SF3B3: variants seen among roughly 807,000 people sequenced by gnomAD.
SF3B3 encodes splicing factor 3b subunit 3.
In SF3B3, 33 loss-of-function variants were observed where a neutral mutation model predicts 139.2. The ratio of observed to expected loss-of-function variants is 0.24; its 90% CI spans 0.18 to 0.32. SF3B3 has a LOEUF of 0.32. Ranked by LOEUF, SF3B3 falls within the 10% of genes least tolerant of loss-of-function variation. SF3B3 has a pLI of 1.00. For missense variants in SF3B3, 818 were observed against 1,509.4 expected, an observed-to-expected ratio of 0.54 and a Z score of 7.59; for synonymous variants, 596 against 563.6, an observed-to-expected ratio of 1.06 and a Z score of -0.81.
chr16:70,535,881 T>C (rs2050161088), intron 6 of SF3B3, among the ~76,000 whole-genome samples: 1 of 152,218 alleles, frequency 6.6e-6, no homozygotes, highest in Non-Finnish European at 1.5e-5. Flanking sequence ...TTGTTTTTTC[T>C]TTCTCATGAT....
intron 6 of SF3B3, 39 bp downstream of exon 6, chr16:70,535,459 A>T: frequency 8.0e-7 from 1 of 1,248,670 alleles, no homozygotes. Flanking sequence ...ATTTGTGTTT[A>T]ATTTTTGTGA....
chr16:70,562,882 G>A (rs1054652614), intron 17 of SF3B3, among the ~76,000 whole-genome samples: 3 of 152,010 alleles, frequency 2.0e-5, no homozygotes, highest in African/African-American at 7.3e-5. Context: ...AGGTTGGAGT[G>A]CAGTGGTGTG....
At position 70,549,856 on chromosome 16, in the gene SF3B3, C is replaced by T. The variant is rs964897493; in HGVS notation, c.1402+1414C>T. 2.0e-5 allele frequency among the ~76,000 whole-genome samples: 3 copies of T among 152,094 alleles called. 1 individual carries two copies. In the Middle Eastern group the frequency reaches 0.01, roughly 517 times the overall value. ...AGGAGAATCACTTGAACCTGGGAGG[C>T]GGAGGTTGCAGTGAGCCGAGATTGC... On this transcript the variant is annotated intron_variant, in intron 11 of 25. Transcript: ENST00000302516.
At chr16:70,551,820 C>T (rs1004663380) in intron 11 of SF3B3, among the ~76,000 whole-genome samples, 10 of 152,276 alleles carry the variant, frequency 6.6e-5, no homozygotes, top group Middle Eastern at 6.8e-3. Context: ...CTTGAACCAC[C>T]GTGCCCAGCT....
chr16:70,527,952 T>G (rs543173361), intron 2 of SF3B3, among the ~76,000 whole-genome samples: 60 of 151,926 alleles, frequency 3.9e-4, no homozygotes, highest in African/African-American at 1.4e-3. Flanking sequence ...ATTTTTCATA[T>G]TTTTAGTAGA....
chr16:70,555,587 G>C (rs2050373126), intron 13 of SF3B3, among the ~76,000 whole-genome samples: 1 of 151,734 alleles, frequency 6.6e-6, no homozygotes, highest in African/African-American at 2.4e-5. Context: ...ATTCTAGGTA[G>C]AGTTATGAAA....
At chr16:70,524,379 A>C (rs772890388) in intron 1 of SF3B3, among the ~76,000 whole-genome samples, 3 of 152,052 alleles carry the variant, frequency 2.0e-5, no homozygotes, top group African/African-American at 7.2e-5. Flanking sequence ...CTGAACCTCT[A>C]TTTTCTCGTT....
chr16:70,539,534 G>A (rs2050199277), intron 8 of SF3B3, among the ~76,000 whole-genome samples: 1 of 143,714 alleles, frequency 7.0e-6, no homozygotes, highest in Admixed American at 7.2e-5. Flanking sequence ...GGTAACAAGA[G>A]CGAAACTCTC....
At chr16:70,530,676 C>G in intron 3 of SF3B3, 69 bp from the exon 4 acceptor site, 4 of 1,266,358 alleles carry the variant, frequency 3.2e-6, no homozygotes, top group Non-Finnish European at 3.3e-6. Flanking sequence ...TGATGTGACT[C>G]TAGCTGTTCT....
intron 22 of SF3B3, among the ~76,000 whole-genome samples, 186 bp downstream of exon 22, chr16:70,568,681 C>G (rs985047061): frequency 6.6e-6 from 1 of 152,156 alleles, no homozygotes; most frequent in African/African-American, 2.4e-5. Context: ...GGATTTTTCT[C>G]TGTGGTTTAT....
chr16:70,555,477 C>CA (rs33955800), intron 13 of SF3B3, among the ~76,000 whole-genome samples: 887 of 72,596 alleles, frequency 0.012, 26 homozygotes, highest in African/African-American at 0.028. Flanking sequence ...GACTCCGTCT[C>CA]AAAAAAAAAA....
At chr16:70,549,906 C>A (rs1249577051) in intron 11 of SF3B3, among the ~76,000 whole-genome samples, 1 of 152,118 alleles carries the variant, frequency 6.6e-6, no homozygotes, top group Non-Finnish European at 1.5e-5. Flanking sequence ...GCCTGGGTGA[C>A]AGAGCGAGAC....
intron 15 of SF3B3, 143 bp downstream of exon 15, chr16:70,557,172 A>C: frequency 1.2e-6 from 1 of 823,042 alleles, no homozygotes; most frequent in Non-Finnish European, 1.8e-6. Flanking sequence ...TCTGGGTTCC[A>C]CTTTTCTCAG....
chr16:70,538,842 A>T (rs571688029), intron 7 of SF3B3, among the ~76,000 whole-genome samples: 1 of 152,160 alleles, frequency 6.6e-6, no homozygotes, highest in Non-Finnish European at 1.5e-5. Flanking sequence ...ATTGGCAAAC[A>T]TTTTTTTGTA....
At chr16:70,539,582 C>G (rs945535336) in intron 8 of SF3B3, among the ~76,000 whole-genome samples, 7 of 151,886 alleles carry the variant, frequency 4.6e-5, no homozygotes, top group African/African-American at 1.7e-4. Context: ...GAAGGTGCGG[C>G]TTTGAGGCTT....
chr16:70,555,368 A>G (rs1449881830), intron 13 of SF3B3, among the ~76,000 whole-genome samples, 162 bp downstream of exon 13: 1 of 151,460 alleles, frequency 6.6e-6, no homozygotes, highest in East Asian at 1.9e-4. Context: ...AGTCCTAGCT[A>G]CTCAGGAGGC....
chr16:70,562,362 T>G (rs2050436974), intron 17 of SF3B3, among the ~76,000 whole-genome samples: 1 of 152,206 alleles, frequency 6.6e-6, no homozygotes, highest in African/African-American at 2.4e-5. Context: ...TGGTTATAAC[T>G]ATTGGCTGTT....
intron 17 of SF3B3, among the ~76,000 whole-genome samples, chr16:70,562,976 C>T (rs1486065034): frequency 1.3e-5 from 2 of 152,048 alleles, no homozygotes; most frequent in Non-Finnish European, 1.5e-5. Flanking sequence ...ACTGTAGGCG[C>T]ATGCCATCAT....
intron 10 of SF3B3, among the ~76,000 whole-genome samples, chr16:70,545,660 T>G (rs959859527): frequency 6.6e-6 from 1 of 152,198 alleles, no homozygotes; most frequent in Non-Finnish European, 1.5e-5. Flanking sequence ...CTGTAAATTT[T>G]TATTGGAACA....
Sources: allele counts gnomAD v4.1 joint callset (sites outside exome capture counted in the v4.1 genomes callset), GRCh38; gene constraint gnomAD v4.1.1; transcripts MANE v1.5; gene names NCBI Gene and HGNC (gene_info 2026-07-23, HGNC 2026-07-21).